Variants in TNNI3 observed in about 807,000 individuals in gnomAD.
The protein encoded by TNNI3 is troponin I, cardiac muscle.
Under a neutral mutation model 31.5 loss-of-function variants are expected in TNNI3, and 23 were observed. The observed-to-expected ratio is 0.73, with a 90% CI of 0.52 to 1.03. The LOEUF is 1.03. TNNI3 is among the 50% of genes least tolerant of loss of function. The pLI, the probability that TNNI3 is intolerant of heterozygous loss-of-function variation, is 0.00. For synonymous variants in TNNI3, 120 were observed against 111.7 expected, an observed-to-expected ratio of 1.07 and a Z score of -0.47; for missense variants, 236 against 282.9, an observed-to-expected ratio of 0.83 and a Z score of 1.19.
intron 7 of TNNI3, among the ~76,000 whole-genome samples, chr19:55,153,454 AC>A (rs2016908493): frequency 6.6e-6 from 1 of 152,022 alleles, no homozygotes; most frequent in Non-Finnish European, 1.5e-5. Context: ...AGCTCACTGC[AC>A]CCTCGATCTC....
chr19:55,157,719 T>G lies in TNNI3; in HGVS notation c.-130A>C. 1 of 1,009,732 alleles carries G rather than the reference T, an allele frequency of 9.9e-7. No individual in the cohort carries two copies. The highest frequency in any genetic ancestry group is 1.5e-6 in the Non-Finnish European group (1 of 651,716). 62.5% of individuals were successfully genotyped at this position (1,009,732 alleles called of 1,614,324 possible). A position where few individuals can be genotyped will look rare whatever the true frequency, so the allele number is the denominator to read the frequency against. ...CAGTCTCCTCCGGGCTGCTTGAGAC[T>G]CCCCGAGGACACTGAGATAAAGGGC... is the stretch of plus-strand genomic sequence containing the variant. On this transcript the variant is annotated 5_prime_UTR_variant, in exon 1 of 8. Transcript: ENST00000344887. This position sits in a 1 kb window ranked among gnomAD's most constrained non-coding sequence, Gnocchi z 6.3.
chr19:55,157,163 C>A lies in TNNI3; in HGVS notation c.25-30G>T. On this transcript the variant is annotated intron_variant, in intron 2 of 7. Transcript: ENST00000344887. The surrounding 1 kb of genome is among the most constrained non-coding windows in gnomAD (Gnocchi z 6.3). The stretch of plus-strand genomic sequence containing the variant: ...GTTAGGAGGAGTGGGGACCCCATCA[C>A]CACCAAGACCCCACCCAGCCCTTAC... The A allele has an allele frequency of 6.3e-7, 1 of 1,590,418 alleles. No homozygotes were observed. Among genetic ancestry groups the A allele is most frequent in the Non-Finnish European group, 8.5e-7 (1 of 1,169,884 alleles).
At chr19:55,155,015 G>A (rs924270057) in intron 5 of TNNI3, among the ~76,000 whole-genome samples, 185 bp from the exon 6 acceptor site, 2 of 148,236 alleles carry the variant, frequency 1.3e-5, no homozygotes, top group Non-Finnish European at 3.0e-5. Flanking sequence ...GTTTGAGGGA[G>A]GAGAAGGGGC....
In TNNI3 at chr19:55,157,559, T is replaced by G. The variant is rs746072538; in HGVS notation, c.11+20A>C. 6.2e-7 allele frequency: 1 copy of G among 1,613,578 alleles called. No individual in the cohort carries two copies. Among genetic ancestry groups the G allele is most frequent in the Non-Finnish European group, 8.5e-7 (1 of 1,179,710 alleles). Reference sequence around the variant, plus strand: ...CCGGGAGGTCGCCCCCAACTCCCACTGCCTTGGGGCATCACTCACCCATCC... The same window carrying G: ...CCGGGAGGTCGCCCCCAACTCCCACGGCCTTGGGGCATCACTCACCCATCC... On this transcript the variant is annotated intron_variant, in intron 1 of 7. Coordinates refer to ENST00000344887, the MANE Select transcript of TNNI3 (RefSeq NM_000363.5). The surrounding 1 kb of genome is among the most constrained non-coding windows in gnomAD (Gnocchi z 6.3).
Position 55,157,240 on chromosome 19 carries a change from G to A in TNNI3, c.24+56C>T. On this transcript the variant is annotated intron_variant, in intron 2 of 7. Transcript: ENST00000344887. The surrounding 1 kb of genome is among the most constrained non-coding windows in gnomAD (Gnocchi z 6.3). ...AGCCTCCCGCCCCAGACCCCTCACT[G>A]CAGCGCCCACCCTGGCCCTGGGGGT... 6.2e-7 allele frequency: 1 copy of A among 1,607,158 alleles called. No individual in the cohort carries two copies. Among genetic ancestry groups the A allele is most frequent in the South Asian group, 1.1e-5 (1 of 89,992 alleles).
intron 7 of TNNI3, among the ~76,000 whole-genome samples, chr19:55,153,261 T>C (rs1318106874): frequency 6.6e-6 from 1 of 152,190 alleles, no homozygotes; most frequent in Admixed American, 6.5e-5. Context: ...TGTTAATCTC[T>C]TACTGTGTCT....
rs555036740 is a variant in TNNI3, at chr19:55,154,615, A to C, written c.372+126T>G. On this transcript the variant is annotated intron_variant, in intron 6 of 7. Transcript: ENST00000344887. ...CTCATCCTTCTGCCCCAGCCCTGCC[A>C]GGCTCACAGTTGTCCTGGGTCTCCT... The C allele has an allele frequency of 2.2e-5, 18 of 830,606 alleles. No individual in the cohort carries two copies. In the South Asian group the frequency reaches 2.4e-4, roughly 11 times the overall value. 51.5% of individuals were successfully genotyped at this position (830,606 alleles called of 1,614,324 possible). A position where few individuals can be genotyped will look rare whatever the true frequency, so the allele number is the denominator to read the frequency against.
rs11667847 is a variant in TNNI3, at chr19:55,157,451, A to G, written c.11+128T>C. On this transcript the variant is annotated intron_variant, in intron 1 of 7. Coordinates refer to ENST00000344887, the MANE Select transcript of TNNI3 (RefSeq NM_000363.5). This position sits in a 1 kb window ranked among gnomAD's most constrained non-coding sequence, Gnocchi z 6.3. ...TTCCAGGAGTCTGACTCGCAAACCC[A>G]CTTCCTCTCTTCACCCAAGAGTCCC... 292,857 of 1,573,404 alleles carry G rather than the reference A, an allele frequency of 0.19. 29,067 individuals carry two copies. The highest frequency in any genetic ancestry group is 0.33 in the African/African-American group (24,366 of 74,014).
Position 55,154,225 on chromosome 19 carries a change from G to T in TNNI3, c.373-19C>A, listed in dbSNP as rs754929109. Reference sequence around the variant, plus strand: ...CTGCAATCTGGGGGCACACGAGGGGGTGGGTACTTCTCCTTCCATTTCCCG... The same window carrying T: ...CTGCAATCTGGGGGCACACGAGGGGTTGGGTACTTCTCCTTCCATTTCCCG... On this transcript the variant is annotated intron_variant, in intron 6 of 7. Coordinates refer to ENST00000344887, the MANE Select transcript of TNNI3 (RefSeq NM_000363.5). 6.2e-7 allele frequency: 1 copy of T among 1,608,894 alleles called. No homozygotes were observed. The highest frequency in any genetic ancestry group is 1.7e-5 in the Admixed American group (1 of 59,994).
chr19:55,153,291 A>T (rs1485804200), intron 7 of TNNI3, among the ~76,000 whole-genome samples: 1 of 152,168 alleles, frequency 6.6e-6, no homozygotes, highest in Non-Finnish European at 1.5e-5. Flanking sequence ...ATGAAACTTT[A>T]TCATAGGTAT....
In TNNI3 at chr19:55,157,491, AG is replaced by A; in HGVS notation, c.11+87del. The A allele has an allele frequency of 6.3e-7, 1 of 1,590,138 alleles. No homozygotes were observed. Among genetic ancestry groups the A allele is most frequent in the Non-Finnish European group, 8.6e-7 (1 of 1,162,024 alleles). On this transcript the variant is annotated intron_variant, in intron 1 of 7. Coordinates refer to ENST00000344887, the MANE Select transcript of TNNI3 (RefSeq NM_000363.5). The surrounding 1 kb of genome is among the most constrained non-coding windows in gnomAD (Gnocchi z 6.3). Reference sequence around the variant, plus strand: ...CCAAGAGTCCCTACGCCTACCTCGCAGGCCAAGGGTCCAGCCTCTCAGCTGC... The same window carrying A: ...CCAAGAGTCCCTACGCCTACCTCGCAGCCAAGGGTCCAGCCTCTCAGCTGC...
intron 5 of TNNI3, 26 bp from the exon 6 acceptor site, chr19:55,154,856 G>C: frequency 6.2e-7 from 1 of 1,609,244 alleles, no homozygotes; most frequent in Non-Finnish European, 8.5e-7. Flanking sequence ...GGTGTGTGTT[G>C]TTGGGGGAAC....
chr19:55,154,274 A>G, intron 6 of TNNI3, 68 bp from the exon 7 acceptor site: 3 of 1,509,284 alleles, frequency 2.0e-6, no homozygotes, highest in South Asian at 2.3e-5. Flanking sequence ...TCCATCCTAC[A>G]CTCCTTTTTT....
At position 55,153,079 on chromosome 19, in the gene TNNI3, C is replaced by T. The variant is rs144705278; in HGVS notation, c.549+951G>A. Among the ~76,000 whole-genome samples, 558 of 152,136 alleles carry T rather than the reference C, an allele frequency of 3.7e-3. 4 individuals carry two copies. Among genetic ancestry groups the T allele is most frequent in the African/African-American group, 0.013 (526 of 41,488 alleles). ...TCCCAAAGCGCTGGGATTACAGGCA[C>T]GAGCCACCACACCCGGTAACTTTGG... On this transcript the variant is annotated intron_variant, in intron 7 of 7. Coordinates refer to ENST00000344887, the MANE Select transcript of TNNI3 (RefSeq NM_000363.5).
Position 55,156,580 on chromosome 19 carries a change from T to G in TNNI3, c.150+23A>C. ...CGCCCCCTGAGCACCTGCCTGCTCTTTCCCAGTCCCGCCCGTCCTCACCTT... is the reference window on the plus strand; with the variant it reads ...CGCCCCCTGAGCACCTGCCTGCTCTGTCCCAGTCCCGCCCGTCCTCACCTT... On this transcript the variant is annotated intron_variant, in intron 4 of 7. Coordinates refer to ENST00000344887, the MANE Select transcript of TNNI3 (RefSeq NM_000363.5). This position sits in a 1 kb window ranked among gnomAD's most constrained non-coding sequence, Gnocchi z 4.6. The G allele has an allele frequency of 6.4e-7, 1 of 1,558,070 alleles. No homozygotes were observed.
Position 55,156,237 on chromosome 19 carries a change from C to A in TNNI3, c.246G>T (p.Pro82=), listed in dbSNP as rs397516343. The A allele has an allele frequency of 1.1e-4, 178 of 1,612,404 alleles. No individual in the cohort carries two copies. Among genetic ancestry groups the A allele is most frequent in the Non-Finnish European group, 1.5e-4 (174 of 1,179,812 alleles). ...CGAAGCCCAGCCCGGCCAACTCCAG[C>A]GGCTGGCAGCGGGTGCTCAGAGCGC... is the stretch of plus-strand genomic sequence containing the variant. ...KGRALSTRCQ[P]LELAGLGFAE... is the part of the protein sequence containing the mutation. Residue 82 remains proline, a synonymous_variant, in exon 5 of 8, where the codon CCG becomes CCT. Transcript: ENST00000344887. The surrounding 1 kb of genome is among the most constrained non-coding windows in gnomAD (Gnocchi z 4.6).
At chr19:55,154,537 C>T (rs1390329167) in intron 6 of TNNI3, 2 of 653,964 alleles carry the variant, frequency 3.1e-6, no homozygotes, top group Non-Finnish European at 5.5e-6. Flanking sequence ...CAACCCATGG[C>T]CTTGCATGTG....
chr19:55,154,877 G>A (rs767021104), intron 5 of TNNI3, 47 bp from the exon 6 acceptor site: 17 of 1,563,270 alleles, frequency 1.1e-5, no homozygotes, highest in Middle Eastern at 1.7e-4. Context: ...CAAAAACAGG[G>A]AGACCTGGAC....
chr19:55,154,770 C>G lies in TNNI3; in HGVS notation c.343G>C (p.Glu115Gln). The change falls in exon 6 of 8, where the codon GAG becomes CAG. Residue 115 changes from glutamate (E) to glutamine (Q), a missense_variant. By Grantham distance (29) the Glu-to-Gln change is conservative (BLOSUM62 2). This residue lies in a region of TNNI3 where 172 missense variants were observed against 171.8 expected (regional missense o/e 1.00). Coordinates refer to ENST00000344887, the MANE Select transcript of TNNI3 (RefSeq NM_000363.5). Reference sequence around the variant, plus strand: ...GTGATGTTCTTGGTGACTTTTGCCTCTATGTCGTATCTCTCTTCATCCACC... The same window carrying G: ...GTGATGTTCTTGGTGACTTTTGCCTGTATGTCGTATCTCTCTTCATCCACC... ...DKVDEERYDI[E>Q]AKVTKNITEI... 1 of 1,614,218 alleles carries G rather than the reference C, an allele frequency of 6.2e-7. No homozygotes were observed. The highest frequency in any genetic ancestry group is 1.1e-5 in the South Asian group (1 of 91,086).
Sources: gnomAD v4.1 joint callset for allele counts (sites outside exome capture counted in the v4.1 genomes callset) on GRCh38, gnomAD v4.1.1 for gene constraint, gnomAD v4.1.1 regional missense constraint, Gnocchi (gnomAD v3.1) non-coding constraint, MANE v1.5 for transcripts, NCBI Gene and HGNC (gene_info 2026-07-23, HGNC 2026-07-21) for gene names.